The following FAF2 variants were observed in gnomAD, a reference collection of about 807,000 sequenced individuals.
The protein encoded by FAF2 is FAS-associated factor 2.
FAF2 carries 9 observed loss-of-function variants against 62.3 expected under a neutral mutation model. The ratio of observed to expected loss-of-function variants is 0.14; its 90% CI spans 0.09 to 0.25. The LOEUF (loss-of-function observed/expected upper bound fraction) is 0.25, where lower values mean the gene tolerates loss of function less well. Among genes scored for constraint, FAF2 ranks in the 10% least tolerant of loss-of-function variants. The pLI is 1.00. For synonymous variants in FAF2, 202 were observed against 198.0 expected (o/e 1.02, Z -0.17); for missense variants, 368 against 556.2 (o/e 0.66, Z 3.40).
At chr5:176,458,133 G>T (rs1758308888) in intron 1 of FAF2, among the ~76,000 whole-genome samples, 1 of 152,142 alleles carries the variant, frequency 6.6e-6, no homozygotes, top group Non-Finnish European at 1.5e-5. Flanking sequence ...CCAGGCTGGA[G>T]TGCAATTGTA....
chr5:176,479,497 A>G (rs1424745967), intron 2 of FAF2, among the ~76,000 whole-genome samples: 2 of 152,162 alleles, frequency 1.3e-5, no homozygotes, highest in East Asian at 3.8e-4. Flanking sequence ...TTGTTGGGAA[A>G]ACAATTGGTT....
At chr5:176,477,895 G>A (rs1758731157) in intron 1 of FAF2, among the ~76,000 whole-genome samples, 1 of 152,190 alleles carries the variant, frequency 6.6e-6, no homozygotes, top group Non-Finnish European at 1.5e-5. Flanking sequence ...GTCAGGTTGA[G>A]ATCAGTCTCT....
In FAF2 at chr5:176,506,777, G is replaced by A. The variant is rs749374860; in HGVS notation, c.1165G>A (p.Asp389Asn). ...TATATGACCTCTGCAGGTAATCCAC[G>A]ACTTCTTATTCTCCTTGAAGGAAAG... ...HFSQSLTVIHDFLFSLKESPE... is the reference protein window; with the variant it reads ...HFSQSLTVIHNFLFSLKESPE... Residue 389 changes from aspartate to asparagine, a missense_variant, in exon 11 of 11, where the codon GAC (aspartate) becomes AAC (asparagine). Physicochemically the swap from Asp to Asn is conservative, Grantham distance 23. Transcript: ENST00000261942. 2 of 1,613,090 alleles carry A rather than the reference G, an allele frequency of 1.2e-6. No homozygotes were observed. The highest frequency in any genetic ancestry group is 1.7e-6 in the Non-Finnish European group (2 of 1,179,516).
rs192331385 is a variant in FAF2, at chr5:176,507,621, G to A, written c.*671G>A. 43 of 153,512 alleles carry A rather than the reference G, an allele frequency of 2.8e-4. No individual in the cohort carries two copies. The highest frequency in any genetic ancestry group is 5.0e-4 in the Non-Finnish European group (34 of 68,612). The allele number at this position is 153,512 out of a possible 1,614,324, so 9.5% of individuals were successfully genotyped here. A position where few individuals can be genotyped will look rare whatever the true frequency, so the allele number is the denominator to read the frequency against. Reference sequence around the variant, plus strand: ...CACAATAGTGTAATAAAAGTGCCCCGGGCTGGTTTGTGCTTATTTCTGCCA... The same window carrying A: ...CACAATAGTGTAATAAAAGTGCCCCAGGCTGGTTTGTGCTTATTTCTGCCA... On this transcript the variant is annotated 3_prime_UTR_variant, in exon 11 of 11. Coordinates refer to ENST00000261942, the MANE Select transcript of FAF2 (RefSeq NM_014613.3).
intron 10 of FAF2, among the ~76,000 whole-genome samples, chr5:176,505,126 A>G (rs1157816009): frequency 6.6e-6 from 1 of 152,170 alleles, no homozygotes; most frequent in East Asian, 1.9e-4. Context: ...ATTTTGAGAG[A>G]TGTATCAAAA....
Position 176,494,270 on chromosome 5 carries a change from A to T in FAF2, c.656A>T (p.Tyr219Phe). ...TGCTCTACAAACAAACCTGAGGGAT[A>T]CAGGGGTAAGTTATGTTTCTTCTGC... ...WACSTNKPEG[Y>F]RVSQALRENT... The change falls in exon 7 of 11, where the codon TAC (tyrosine) becomes TTC (phenylalanine). Residue 219 changes from tyrosine (Y) to phenylalanine (F), a missense_variant. By Grantham distance (22) the Tyr-to-Phe change is conservative. Coordinates refer to ENST00000261942, the MANE Select transcript of FAF2 (RefSeq NM_014613.3). This position sits in a 1 kb window ranked among gnomAD's most constrained non-coding sequence, Gnocchi z 4.0. 1 of 1,612,434 alleles carries T rather than the reference A, an allele frequency of 6.2e-7. No individual in the cohort carries two copies. Among genetic ancestry groups the T allele is most frequent in the Non-Finnish European group, 8.5e-7 (1 of 1,178,892 alleles).
At position 176,494,360 on chromosome 5, in the gene FAF2, AGT is replaced by A. The variant is rs375145926; in HGVS notation, c.661+90_661+91del. 3.4e-5 allele frequency: 39 copies of A among 1,152,176 alleles called. No individual in the cohort carries two copies. Among genetic ancestry groups the A allele is most frequent in the African/African-American group, 1.4e-4 (9 of 65,812 alleles). 71.4% of individuals were successfully genotyped at this position (1,152,176 alleles called of 1,614,324 possible). ...AAGACATGCCATGCCATTTATTACA[AGT>A]GTGTTTGTTCTGTGGTAGATACGAC... On this transcript the variant is annotated intron_variant, in intron 7 of 10. Coordinates refer to ENST00000261942, the MANE Select transcript of FAF2 (RefSeq NM_014613.3). This position sits in a 1 kb window ranked among gnomAD's most constrained non-coding sequence, Gnocchi z 4.0.
chr5:176,456,746 C>CT (rs1448034069), intron 1 of FAF2, among the ~76,000 whole-genome samples: 6 of 152,138 alleles, frequency 3.9e-5, no homozygotes, highest in African/African-American at 1.4e-4. Context: ...CTCTGTTGCT[C>CT]TTTTTCAGAG....
At chr5:176,464,618 A>G (rs1758433873) in intron 1 of FAF2, among the ~76,000 whole-genome samples, 2 of 150,762 alleles carry the variant, frequency 1.3e-5, no homozygotes, top group South Asian at 4.2e-4. Context: ...TCAGCCTCCC[A>G]AGTGGCTGGG....
chr5:176,460,429 A>G (rs960484909), intron 1 of FAF2, among the ~76,000 whole-genome samples: 2 of 151,656 alleles, frequency 1.3e-5, no homozygotes, highest in African/African-American at 4.8e-5. Context: ...AGTAATAGCC[A>G]TTCTGACTGG....
At chr5:176,487,106 A>G (rs1758886006) in intron 3 of FAF2, among the ~76,000 whole-genome samples, 1 of 152,212 alleles carries the variant, frequency 6.6e-6, no homozygotes, top group African/African-American at 2.4e-5. Context: ...TTAGAATCCT[A>G]AGAAAACACT....
At chr5:176,451,843 CACACATATATATACACATATATATAT>C (rs1758183401) in intron 1 of FAF2, among the ~76,000 whole-genome samples, 2 of 12,970 alleles carry the variant, frequency 1.5e-4, no homozygotes, top group African/African-American at 5.1e-4. Flanking sequence ...TATATATATA[CACACATATATATACACATATATATAT>C]ACACACATAT....
At chr5:176,475,420 C>T (rs934938078) in intron 1 of FAF2, among the ~76,000 whole-genome samples, 1 of 152,158 alleles carries the variant, frequency 6.6e-6, no homozygotes, top group African/African-American at 2.4e-5. Context: ...GTGTGAGCCA[C>T]TGTGCGTAGC....
At chr5:176,496,745 ACTT>A (rs1484210578) in intron 8 of FAF2, 82 bp downstream of exon 8, 3 of 1,103,904 alleles carry the variant, frequency 2.7e-6, no homozygotes, top group Non-Finnish European at 2.5e-6. Context: ...ACCAATCCTG[ACTT>A]CTTCTGTGCA....
chr5:176,468,901 G>A (rs1561818534), intron 1 of FAF2, among the ~76,000 whole-genome samples: 1 of 151,916 alleles, frequency 6.6e-6, no homozygotes, highest in Admixed American at 6.6e-5. Context: ...CTATGATCAT[G>A]CTACTGTACT....
chr5:176,467,651 T>A (rs1021019353), intron 1 of FAF2, among the ~76,000 whole-genome samples: 1 of 152,090 alleles, frequency 6.6e-6, no homozygotes, highest in Non-Finnish European at 1.5e-5. Context: ...CTAAAGAGCA[T>A]GCCAGTTTTA....
At chr5:176,501,643 A>G (rs1755592445) in intron 10 of FAF2, among the ~76,000 whole-genome samples, 1 of 152,272 alleles carries the variant, frequency 6.6e-6, no homozygotes, top group African/African-American at 2.4e-5. Context: ...TCAGAGAACT[A>G]ATACAGAATT....
intron 2 of FAF2, 122 bp from the exon 3 acceptor site, chr5:176,486,233 G>A (rs529627713): frequency 2.3e-4 from 288 of 1,243,954 alleles, no homozygotes; most frequent in Admixed American, 2.9e-4. Flanking sequence ...GCACTCCTCA[G>A]TGACCTTTTG....
Position 176,494,150 on chromosome 5 carries a change from G to T in FAF2, c.570-34G>T, listed in dbSNP as rs1386088362. 7.7e-7 allele frequency: 1 copy of T among 1,307,078 alleles called. No individual in the cohort carries two copies. The highest frequency in any genetic ancestry group is 1.0e-6 in the Non-Finnish European group (1 of 984,050). The allele number at this position is 1,307,078 out of a possible 1,614,324, so 81.0% of individuals were successfully genotyped here. On this transcript the variant is annotated intron_variant, in intron 6 of 10. Coordinates refer to ENST00000261942, the MANE Select transcript of FAF2 (RefSeq NM_014613.3). This position sits in a 1 kb window ranked among gnomAD's most constrained non-coding sequence, Gnocchi z 4.0. Reference sequence around the variant, plus strand: ...TCTGGTGACAGTTTATAGTCAGCAAGTTGTTCTCATATCCTTTTCATACCT... The same window carrying T: ...TCTGGTGACAGTTTATAGTCAGCAATTTGTTCTCATATCCTTTTCATACCT...
Sources: allele counts gnomAD v4.1 joint callset (sites outside exome capture counted in the v4.1 genomes callset), GRCh38; gene constraint gnomAD v4.1.1; non-coding constraint Gnocchi (gnomAD v3.1); transcripts MANE v1.5; gene names NCBI Gene and HGNC (gene_info 2026-07-23, HGNC 2026-07-21).